Variants in PRKAA2 observed in about 807,000 individuals in gnomAD.
The protein encoded by PRKAA2 is protein kinase AMP-activated catalytic subunit alpha 2, also known as 5'-AMP-activated protein kinase catalytic subunit alpha-2.
Under a neutral mutation model 56.3 loss-of-function variants are expected in PRKAA2, and 40 were observed. The ratio of observed to expected loss-of-function variants is 0.71; its 90% CI spans 0.55 to 0.92. PRKAA2 has a LOEUF of 0.92. Among genes scored for constraint, PRKAA2 ranks in the 40% least tolerant of loss-of-function variants. PRKAA2 has a pLI of 0.00. For missense variants in PRKAA2, 542 were observed against 686.9 expected (o/e 0.79, Z 2.36); for synonymous variants, 214 against 234.2 (o/e 0.91, Z 0.79).
intron 1 of PRKAA2, among the ~76,000 whole-genome samples, chr1:56,670,510 G>A (rs1458159174): frequency 6.6e-6 from 1 of 152,136 alleles, no homozygotes; most frequent in Non-Finnish European, 1.5e-5. Flanking sequence ...TATCTCATTG[G>A]CTGGAACATA....
In PRKAA2 at chr1:56,708,266, C is replaced by T. The variant is rs151241228; in HGVS notation, c.*553C>T. 7.5e-3 allele frequency: 1,176 copies of T among 155,878 alleles called. 17 individuals carry two copies. The highest frequency in any genetic ancestry group is 0.027 in the African/African-American group (1,124 of 41,566). The allele number at this position is 155,878 out of a possible 1,614,324, so 9.7% of individuals were successfully genotyped here. A position where few individuals can be genotyped will look rare whatever the true frequency, so the allele number is the denominator to read the frequency against. ...TTTTCTAACAGTATTTGTACAAATA[C>T]TGCCTAGTGTATTCAACAGAAGGAC... On this transcript the variant is annotated 3_prime_UTR_variant, in exon 9 of 9. Transcript: ENST00000371244.
At chr1:56,666,405 G>C (rs988586775) in intron 1 of PRKAA2, among the ~76,000 whole-genome samples, 6 of 152,184 alleles carry the variant, frequency 3.9e-5, no homozygotes, top group African/African-American at 1.4e-4. Flanking sequence ...CACTTAATCA[G>C]ACTGTTGAGT....
At chr1:56,703,374 C>CA (rs572892854) in intron 6 of PRKAA2, among the ~76,000 whole-genome samples, 7 of 151,238 alleles carry the variant, frequency 4.6e-5, no homozygotes, top group Non-Finnish European at 1.0e-4. Context: ...CCATATTTTC[C>CA]AAAAAAAATT....
chr1:56,658,364 G>C (rs1643961870), intron 1 of PRKAA2, among the ~76,000 whole-genome samples: 1 of 152,180 alleles, frequency 6.6e-6, no homozygotes, highest in Admixed American at 6.5e-5. Flanking sequence ...GATGAAGCAT[G>C]TGGAATAAGA....
chr1:56,663,184 C>CAAGT (rs974587159), intron 1 of PRKAA2, among the ~76,000 whole-genome samples: 2 of 152,196 alleles, frequency 1.3e-5, no homozygotes, highest in African/African-American at 4.8e-5. Flanking sequence ...GCCTGGAACT[C>CAAGT]AAGTGATCCT....
chr1:56,691,618 A>G (rs1470154766), intron 3 of PRKAA2, 131 bp downstream of exon 3: 2 of 489,642 alleles, frequency 4.1e-6, no homozygotes, highest in Non-Finnish European at 3.3e-6. Flanking sequence ...AAACATGTAG[A>G]GTGTTAGATA....
rs897627614 is a variant in PRKAA2 at position 56,708,257 on chromosome 1, G to T, written c.*544G>T. On this transcript the variant is annotated 3_prime_UTR_variant, in exon 9 of 9. Transcript: ENST00000371244. ...AAGCCAAGTTTTTCTAACAGTATTT[G>T]TACAAATACTGCCTAGTGTATTCAA... 1 of 156,762 alleles carries T rather than the reference G, an allele frequency of 6.4e-6. No homozygotes were observed. The highest frequency in any genetic ancestry group is 2.4e-5 in the African/African-American group (1 of 41,562). 9.7% of individuals were successfully genotyped at this position (156,762 alleles called of 1,614,324 possible).
intron 2 of PRKAA2, among the ~76,000 whole-genome samples, chr1:56,682,176 G>A (rs934289761): frequency 4.6e-5 from 7 of 152,038 alleles, no homozygotes; most frequent in African/African-American, 1.7e-4. Flanking sequence ...CTAGGCATAG[G>A]GGATATAATC....
chr1:56,703,978 G>C lies in PRKAA2; in HGVS notation c.796G>C (p.Glu266Gln), dbSNP rs190412282. 1.1e-5 allele frequency: 18 copies of C among 1,604,280 alleles called. No homozygotes were observed. In the Admixed American group the frequency reaches 3.0e-4, roughly 27 times the overall value. ...TTGTGGTGTTTTTCCTAGAGAGCATGAATGGTTTAAACAAGATTTGCCCAG... is the reference window on the plus strand; with the variant it reads ...TTGTGGTGTTTTTCCTAGAGAGCATCAATGGTTTAAACAAGATTTGCCCAG... ...RATIKDIREH[E>Q]WFKQDLPSYL... is the part of the protein sequence containing the mutation. The change falls in exon 7 of 9, where the codon GAA becomes CAA. Residue 266 changes from glutamate to glutamine, a missense_variant. By Grantham distance (29) the Glu-to-Gln change is conservative. Around this residue, in one of 5 missense-constraint regions of PRKAA2, gnomAD observed 198 missense variants for 234.0 expected, o/e 0.85. Coordinates refer to ENST00000371244, the MANE Select transcript of PRKAA2 (RefSeq NM_006252.4).
At chr1:56,687,317 A>G (rs767884380) in intron 2 of PRKAA2, among the ~76,000 whole-genome samples, 26 of 152,218 alleles carry the variant, frequency 1.7e-4, no homozygotes, top group Non-Finnish European at 3.1e-4. Flanking sequence ...ATAGAGCGTG[A>G]TACCTGGTTT....
rs1346686694 is a variant in PRKAA2 at position 56,703,387 on chromosome 1, GAGA to G, written c.789-579_789-577del. On this transcript the variant is annotated intron_variant, in intron 6 of 8. Coordinates refer to ENST00000371244, the MANE Select transcript of PRKAA2 (RefSeq NM_006252.4). Reference sequence around the variant, plus strand: ...AACCATATTTTCCAAAAAAAATTGTGAGAAGAATTACTTTATATCAAAGACAGC... The same window carrying G: ...AACCATATTTTCCAAAAAAAATTGTGAGAATTACTTTATATCAAAGACAGC... Among the ~76,000 whole-genome samples, 4 of 152,056 alleles carry G rather than the reference GAGA, an allele frequency of 2.6e-5. No homozygotes were observed. The East Asian group carries it at 5.8e-4, about 22-fold the overall frequency.
rs574274527 is a variant in PRKAA2, at chr1:56,655,507, T to C, written c.94+10026T>C. Among the ~76,000 whole-genome samples, 35 of 151,728 alleles carry C rather than the reference T, an allele frequency of 2.3e-4. No individual in the cohort carries two copies. The South Asian group carries it at 6.2e-3, about 27-fold the overall frequency. ...TTTCCAGTCTTAATTAATGGAATAA[T>C]ACAATCAATATAAAGTATTTGCTGT... On this transcript the variant is annotated intron_variant, in intron 1 of 8. Transcript: ENST00000371244.
At chr1:56,697,590 A>G (rs1248500474) in intron 6 of PRKAA2, among the ~76,000 whole-genome samples, 1 of 152,196 alleles carries the variant, frequency 6.6e-6, no homozygotes, top group African/African-American at 2.4e-5. Context: ...TTTAGCATAT[A>G]TACTTCTGTT....
chr1:56,713,861 A>AC lies in PRKAA2; in HGVS notation c.*6148_*6149insC, dbSNP rs1271273222. 6.6e-6 allele frequency: 1 copy of AC among 151,318 alleles called. No homozygotes were observed. The highest frequency in any genetic ancestry group is 1.5e-5 in the Non-Finnish European group (1 of 67,864). 9.4% of individuals were successfully genotyped at this position (151,318 alleles called of 1,614,324 possible). ...GATCCACTGTTCTAAAAAAAAAAAA[A>AC]AAAAAAAACACTAAATTGTGCCTTC... On this transcript the variant is annotated 3_prime_UTR_variant, in exon 9 of 9. Coordinates refer to ENST00000371244, the MANE Select transcript of PRKAA2 (RefSeq NM_006252.4).
At chr1:56,653,974 AG>A in intron 1 of PRKAA2, among the ~76,000 whole-genome samples, 2 of 152,224 alleles carry the variant, frequency 1.3e-5, no homozygotes, top group South Asian at 4.1e-4. Context: ...TAAGCTGGGA[AG>A]GGGGAAAGTG....
chr1:56,673,973 A>G (rs1421842043), intron 1 of PRKAA2, among the ~76,000 whole-genome samples: 2 of 150,224 alleles, frequency 1.3e-5, no homozygotes, highest in Non-Finnish European at 3.0e-5. Context: ...TTTTTGATTT[A>G]TTACACTATT....
intron 1 of PRKAA2, among the ~76,000 whole-genome samples, chr1:56,670,341 T>C (rs1057129888): frequency 2.6e-5 from 4 of 152,196 alleles, no homozygotes; most frequent in African/African-American, 9.6e-5. Context: ...ATGTAGACTG[T>C]TGTTATGTCT....
Position 56,711,932 on chromosome 1 carries a change from C to T in PRKAA2, c.*4219C>T. ...CAGAGGTATATACTTGAATATTTTTCTAAATACAGCTGCTGGAGGAATGCA... is the reference window on the plus strand; with the variant it reads ...CAGAGGTATATACTTGAATATTTTTTTAAATACAGCTGCTGGAGGAATGCA... On this transcript the variant is annotated 3_prime_UTR_variant, in exon 9 of 9. Coordinates refer to ENST00000371244, the MANE Select transcript of PRKAA2 (RefSeq NM_006252.4). 6.6e-6 allele frequency: 1 copy of T among 152,086 alleles called. No individual in the cohort carries two copies. The highest frequency in any genetic ancestry group is 1.9e-4 in the East Asian group (1 of 5,202). The allele number at this position is 152,086 out of a possible 1,614,324, so 9.4% of individuals were successfully genotyped here. A position where few individuals can be genotyped will look rare whatever the true frequency, so the allele number is the denominator to read the frequency against.
intron 8 of PRKAA2, among the ~76,000 whole-genome samples, chr1:56,706,761 T>C (rs1351528210): frequency 6.6e-6 from 1 of 152,194 alleles, no homozygotes; most frequent in African/African-American, 2.4e-5. Flanking sequence ...CAAATCTGAT[T>C]ATTCATTTCA....
Sources: allele counts gnomAD v4.1 joint callset (sites outside exome capture counted in the v4.1 genomes callset), GRCh38; gene constraint gnomAD v4.1.1; regional missense constraint gnomAD v4.1.1; transcripts MANE v1.5; gene names NCBI Gene and HGNC (gene_info 2026-07-23, HGNC 2026-07-21).